NDUFAF2: variants seen among roughly 807,000 people sequenced by gnomAD.
NDUFAF2 encodes NADH dehydrogenase [ubiquinone] 1 alpha subcomplex assembly factor 2.
In NDUFAF2, 13 loss-of-function variants were observed where a neutral mutation model predicts 22.8. That is an observed-to-expected ratio of 0.57 (90% CI 0.37 to 0.91). The LOEUF (loss-of-function observed/expected upper bound fraction) is 0.91, where lower values mean the gene tolerates loss of function less well. NDUFAF2 is among the 40% of genes least tolerant of loss of function. The pLI is 0.01. For synonymous variants in NDUFAF2, 53 were observed against 64.2 expected (o/e 0.83, Z 0.84); for missense variants, 162 against 195.2 (o/e 0.83, Z 1.01).
intron 2 of NDUFAF2, among the ~76,000 whole-genome samples, chr5:61,094,087 TG>T (rs1327247811): frequency 1.3e-5 from 2 of 152,152 alleles, no homozygotes; most frequent in African/African-American, 4.8e-5. Context: ...TTTCTTTCTA[TG>T]GGGTCAGCGA....
chr5:61,077,738 G>C (rs776466975), intron 2 of NDUFAF2, among the ~76,000 whole-genome samples: 3 of 152,064 alleles, frequency 2.0e-5, no homozygotes, highest in African/African-American at 4.8e-5. Flanking sequence ...TAGTAAACAG[G>C]GGGAAGAGTT....
chr5:61,151,253 A>G (rs1426475852), intron 3 of NDUFAF2, among the ~76,000 whole-genome samples: 2 of 152,194 alleles, frequency 1.3e-5, no homozygotes, highest in Non-Finnish European at 2.9e-5. Flanking sequence ...CAGAAAGGTG[A>G]TATCATACAT....
chr5:60,990,857 A>G (rs1193022630), intron 1 of NDUFAF2, among the ~76,000 whole-genome samples: 1 of 152,108 alleles, frequency 6.6e-6, no homozygotes, highest in Non-Finnish European at 1.5e-5. Context: ...TTCCTCCCAG[A>G]TATGGATTGT....
chr5:61,103,579 A>C (rs1288247959), intron 3 of NDUFAF2, among the ~76,000 whole-genome samples: 1 of 152,056 alleles, frequency 6.6e-6, no homozygotes, highest in Non-Finnish European at 1.5e-5. Flanking sequence ...TGTCATAAGC[A>C]CCTAACACAG....
At chr5:60,971,939 CTTTTTTTTT>C (rs1193853669) in intron 1 of NDUFAF2, among the ~76,000 whole-genome samples, 5 of 137,520 alleles carry the variant, frequency 3.6e-5, no homozygotes, top group African/African-American at 1.3e-4. Context: ...GCCCCCCTCC[CTTTTTTTTT>C]TTTTTTTTTT....
chr5:61,000,951 T>A (rs1269265391), intron 1 of NDUFAF2, among the ~76,000 whole-genome samples: 1 of 152,150 alleles, frequency 6.6e-6, no homozygotes, highest in Non-Finnish European at 1.5e-5. Flanking sequence ...AGCATTGGAA[T>A]GAGGCAGATA....
At chr5:61,093,766 T>C (rs879679488) in intron 2 of NDUFAF2, among the ~76,000 whole-genome samples, 2 of 152,194 alleles carry the variant, frequency 1.3e-5, no homozygotes, top group Admixed American at 6.5e-5. Context: ...TCATGGTGAT[T>C]CTGGCCTCAT....
intron 1 of NDUFAF2, among the ~76,000 whole-genome samples, chr5:60,983,226 T>C (rs1332874974): frequency 8.4e-5 from 12 of 142,216 alleles, no homozygotes; most frequent in South Asian, 4.8e-4. Context: ...TCATATCCTT[T>C]GCCCACTTGT....
chr5:60,947,801 A>G (rs908623862), intron 1 of NDUFAF2, among the ~76,000 whole-genome samples: 1 of 151,846 alleles, frequency 6.6e-6, no homozygotes. Context: ...AAAAAACAAC[A>G]AACAAATATA....
chr5:60,985,119 T>G (rs1751053950), intron 1 of NDUFAF2, among the ~76,000 whole-genome samples: 1 of 152,228 alleles, frequency 6.6e-6, no homozygotes. Context: ...TCGTTTAGTC[T>G]TGGAAGGATG....
At chr5:61,017,176 C>A (rs573723098) in intron 1 of NDUFAF2, among the ~76,000 whole-genome samples, 31 of 152,268 alleles carry the variant, frequency 2.0e-4, no homozygotes, top group African/African-American at 7.0e-4. Flanking sequence ...TCTAAAATAA[C>A]TGATTATGTC....
intron 1 of NDUFAF2, among the ~76,000 whole-genome samples, chr5:60,956,292 A>G (rs1322425979): frequency 6.6e-6 from 1 of 152,080 alleles, no homozygotes; most frequent in Non-Finnish European, 1.5e-5. Flanking sequence ...GGATTTCTAT[A>G]TGTAAGGTCA....
At chr5:60,987,816 A>T (rs1407185434) in intron 1 of NDUFAF2, among the ~76,000 whole-genome samples, 3 of 152,230 alleles carry the variant, frequency 2.0e-5, no homozygotes, top group Non-Finnish European at 1.5e-5. Context: ...CTCAGCCAAC[A>T]TCATACTGAA....
rs1373203050 is a variant in NDUFAF2, at chr5:61,040,279, C to CACAT, written c.128-32843_128-32842insTACA. On this transcript the variant is annotated intron_variant, in intron 1 of 3. Transcript: ENST00000296597. ...ACACACACACACACACACACACACA[C>CACAT]ACACACACGCGCGCGCGCGCGCGAA... Among the ~76,000 whole-genome samples the CACAT allele has an allele frequency of 2.9e-5, 3 of 104,144 alleles. No homozygotes were observed. In the East Asian group the frequency reaches 7.9e-4, roughly 27 times the overall value. 68.3% of individuals were successfully genotyped at this position (104,144 alleles called of 152,430 possible).
chr5:61,110,071 T>A (rs1476710241), intron 3 of NDUFAF2, among the ~76,000 whole-genome samples: 1 of 152,208 alleles, frequency 6.6e-6, no homozygotes, highest in African/African-American at 2.4e-5. Flanking sequence ...AATTGAATGA[T>A]CATAGAGTTT....
chr5:61,061,309 C>T (rs1340121839), intron 1 of NDUFAF2, among the ~76,000 whole-genome samples: 3 of 152,056 alleles, frequency 2.0e-5, no homozygotes. Context: ...TCCACATTTA[C>T]TATTCATCAT....
At chr5:61,106,147 C>A (rs1199978052) in intron 3 of NDUFAF2, among the ~76,000 whole-genome samples, 1 of 151,404 alleles carries the variant, frequency 6.6e-6, no homozygotes, top group Non-Finnish European at 1.5e-5. Flanking sequence ...GAAAAAATTA[C>A]CAGCAGATAC....
At chr5:61,020,993 C>CT (rs35877702) in intron 1 of NDUFAF2, among the ~76,000 whole-genome samples, 2,200 of 116,558 alleles carry the variant, frequency 0.019, 50 homozygotes, top group African/African-American at 0.051. Context: ...TGCGTCCAGC[C>CT]TTTTTTTTTT....
At chr5:61,068,434 A>G (rs554338125) in intron 1 of NDUFAF2, among the ~76,000 whole-genome samples, 1 of 152,284 alleles carries the variant, frequency 6.6e-6, no homozygotes, top group South Asian at 2.1e-4. Context: ...CAACAATGAC[A>G]TGAAAACCTT....
Sources: gnomAD v4.1 joint callset for allele counts (sites outside exome capture counted in the v4.1 genomes callset) on GRCh38, gnomAD v4.1.1 for gene constraint, MANE v1.5 for transcripts, NCBI Gene and HGNC (gene_info 2026-07-23, HGNC 2026-07-21) for gene names.